TNN: variants seen among roughly 807,000 people sequenced by gnomAD.
TNN encodes the protein tenascin N.
TNN carries 122 observed loss-of-function variants against 134.4 expected under a neutral mutation model. The observed-to-expected ratio is 0.91, with a 90% confidence interval of 0.78 to 1.06. TNN has a LOEUF of 1.06. TNN is among the 50% of genes least tolerant of loss of function. TNN has a pLI of 0.00. For synonymous variants in TNN, 710 were observed against 670.3 expected (o/e 1.06, Z -0.91); for missense variants, 1,739 against 1,699.4 (o/e 1.02, Z -0.41).
chr1:175,097,493 G>A lies in TNN; in HGVS notation c.1665G>A (p.Gln555=). ...CCACCATCTCCTGGGACCCGGTACA[G>A]GCCACCATTGACAAGTACGTGGTGC... is the stretch of plus-strand genomic sequence containing the variant. ...NTATISWDPV[Q]ATIDKYVVRY... is the part of the protein sequence containing the mutation. Residue 555 remains glutamine (Q), a synonymous_variant, in exon 8 of 19, where the codon CAG becomes CAA. Coordinates refer to ENST00000239462, the MANE Select transcript of TNN (RefSeq NM_022093.2). 1.2e-6 allele frequency: 2 copies of A among 1,614,216 alleles called. No homozygotes were observed. The highest frequency in any genetic ancestry group is 1.7e-6 in the Non-Finnish European group (2 of 1,180,050).
intron 1 of TNN, among the ~76,000 whole-genome samples, chr1:175,074,062 G>A (rs10912879): frequency 0.58 from 87,616 of 151,926 alleles, 26,568 homozygotes; most frequent in African/African-American, 0.79. Context: ...GCCTGTTCCA[G>A]CCAAGCTTCC....
intron 9 of TNN, among the ~76,000 whole-genome samples, chr1:175,101,482 C>G (rs964065513): frequency 1.3e-5 from 2 of 149,664 alleles, no homozygotes; most frequent in South Asian, 4.5e-4. Flanking sequence ...GAAGGGGACC[C>G]GAGAAGGTTG....
intron 17 of TNN, among the ~76,000 whole-genome samples, chr1:175,141,743 A>G (rs1675949139): frequency 6.6e-6 from 1 of 152,100 alleles, no homozygotes; most frequent in African/African-American, 2.4e-5. Context: ...GGACATTTTG[A>G]TGAGATGGAT....
At chr1:175,072,564 G>C (rs1673938062) in intron 1 of TNN, among the ~76,000 whole-genome samples, 1 of 152,168 alleles carries the variant, frequency 6.6e-6, no homozygotes, top group Non-Finnish European at 1.5e-5. Flanking sequence ...TACTGAAAGA[G>C]TCGATGAAGT....
chr1:175,117,231 A>G, intron 10 of TNN, 26 bp downstream of exon 10: 2 of 1,606,768 alleles, frequency 1.2e-6, no homozygotes, highest in Non-Finnish European at 1.7e-6. Context: ...CTTTGGGAAT[A>G]TAAGAGCTTT....
rs1018108856 is a variant in TNN at position 175,079,778 on chromosome 1, C to T, written c.784+71C>T. ...ATGCACCATTTAACCCTCAATTACACGTTGTCATCTTTGGGGGTCTCTTCC... is the reference window on the plus strand; with the variant it reads ...ATGCACCATTTAACCCTCAATTACATGTTGTCATCTTTGGGGGTCTCTTCC... On this transcript the variant is annotated intron_variant, in intron 3 of 18. Transcript: ENST00000239462. 4.7e-6 allele frequency: 7 copies of T among 1,490,086 alleles called. No homozygotes were observed. The African/African-American group carries it at 9.8e-5, about 21-fold the overall frequency. The allele number at this position is 1,490,086 out of a possible 1,614,324, so 92.3% of individuals were successfully genotyped here.
chr1:175,147,060 C>A lies in TNN; in HGVS notation c.3889C>A (p.Arg1297=). The A allele has an allele frequency of 2.5e-6, 4 of 1,579,732 alleles. No homozygotes were observed. The highest frequency in any genetic ancestry group is 3.4e-6 in the Non-Finnish European group (4 of 1,162,990). The change falls in exon 19 of 19, where the codon CGA becomes AGA. Residue 1297 remains arginine, a synonymous_variant. Transcript: ENST00000239462. ...RKKRTLRGRL[R]TF The stretch of plus-strand genomic sequence containing the variant: ...GAAGCGGACGCTGAGAGGAAGGCTG[C>A]GAACGTTCTGATGGCCCGTGTGAGC...
chr1:175,142,160 A>G (rs1675956409), intron 17 of TNN, among the ~76,000 whole-genome samples: 2 of 152,194 alleles, frequency 1.3e-5, no homozygotes, highest in South Asian at 4.1e-4. Flanking sequence ...TAGCATGACA[A>G]TATACCTTTC....
At position 175,077,439 on chromosome 1, in the gene TNN, C is replaced by T. The variant is rs916269356; in HGVS notation, c.21C>T (p.Phe7=). The change falls in exon 2 of 19, where the codon TTC becomes TTT. Residue 7 remains phenylalanine, a synonymous_variant. Transcript: ENST00000239462. MSLQEM[F]RFPMGLLLGS... is the part of the protein sequence containing the mutation. Reference sequence around the variant, plus strand: ...CAAGGATGAGTCTCCAGGAGATGTTCCGCTTCCCTATGGGGCTCCTGCTTG... The same window carrying T: ...CAAGGATGAGTCTCCAGGAGATGTTTCGCTTCCCTATGGGGCTCCTGCTTG... 1.9e-6 allele frequency: 3 copies of T among 1,613,238 alleles called. No homozygotes were observed. Among genetic ancestry groups the T allele is most frequent in the African/African-American group, 2.7e-5 (2 of 74,934 alleles).
chr1:175,119,860 A>G (rs1234572183), intron 11 of TNN, among the ~76,000 whole-genome samples: 2 of 151,952 alleles, frequency 1.3e-5, no homozygotes, highest in Non-Finnish European at 2.9e-5. Flanking sequence ...GGATGGTCTC[A>G]ATCTCCTGAC....
Position 175,119,333 on chromosome 1 carries a change from T to A in TNN, c.2650+509T>A, listed in dbSNP as rs1335445315. 3.3e-5 allele frequency among the ~76,000 whole-genome samples: 5 copies of A among 152,218 alleles called. No individual in the cohort carries two copies. In the East Asian group the frequency reaches 9.6e-4, roughly 29 times the overall value. Reference sequence around the variant, plus strand: ...CATTTGTAAACTGTCATGGCACTGGTGGGAGTGTAGTAGTGAGGATGACCA... The same window carrying A: ...CATTTGTAAACTGTCATGGCACTGGAGGGAGTGTAGTAGTGAGGATGACCA... On this transcript the variant is annotated intron_variant, in intron 11 of 18. Transcript: ENST00000239462.
chr1:175,147,147 C>T lies in TNN; in HGVS notation c.*76C>T, dbSNP rs142815211. The T allele has an allele frequency of 1.5e-6, 2 of 1,376,670 alleles. No individual in the cohort carries two copies. The highest frequency in any genetic ancestry group is 1.7e-5 in the South Asian group (1 of 58,304). The allele number at this position is 1,376,670 out of a possible 1,614,324, so 85.3% of individuals were successfully genotyped here. ...GGGGCGGGGTGGGTAGTGGTCACTG[C>T]GGTCTGGGAGTGCTCAGATAGCCCG... On this transcript the variant is annotated 3_prime_UTR_variant, in exon 19 of 19. Coordinates refer to ENST00000239462, the MANE Select transcript of TNN (RefSeq NM_022093.2).
At chr1:175,103,359 T>A (rs1473293652) in intron 9 of TNN, among the ~76,000 whole-genome samples, 1 of 146,276 alleles carries the variant, frequency 6.8e-6, no homozygotes, top group African/African-American at 2.5e-5. Flanking sequence ...TGTCCTCCTT[T>A]TTCAGCAGTG....
chr1:175,079,246 C>A, intron 2 of TNN, 87 bp from the exon 3 acceptor site: 19 of 1,339,082 alleles, frequency 1.4e-5, no homozygotes, highest in East Asian at 1.2e-4. Context: ...CTAATGATTT[C>A]TGGGTCTTGC....
At position 175,128,047 on chromosome 1, in the gene TNN, C is replaced by T. The variant is rs778982609; in HGVS notation, c.3061C>T (p.Arg1021Trp). 121 of 1,614,022 alleles carry T rather than the reference C, an allele frequency of 7.5e-5. No individual in the cohort carries two copies. The highest frequency in any genetic ancestry group is 1.2e-4 in the Admixed American group (7 of 60,008). The change falls in exon 14 of 19, where the codon CGG becomes TGG. Residue 1021 changes from arginine to tryptophan, a missense_variant. Physicochemically the swap from Arg to Trp is moderately radical, Grantham distance 101. Transcript: ENST00000239462. ...TGTTTGGTAGGAGATGCAGCTGGGACGGGAAGACCAGAGGTTTGCGTTGCA... is the reference window on the plus strand; with the variant it reads ...TGTTTGGTAGGAGATGCAGCTGGGATGGGAAGACCAGAGGTTTGCGTTGCA... ...DGTVKEMQLG[R>W]EDQRFALQGL...
chr1:175,076,766 G>A (rs6425316), intron 1 of TNN, among the ~76,000 whole-genome samples: 1 of 151,982 alleles, frequency 6.6e-6, no homozygotes, highest in Admixed American at 6.6e-5. Context: ...TTGTGGGGAT[G>A]AGCATGGACT....
chr1:175,135,945 T>A lies in TNN; in HGVS notation c.3427+4T>A. 1 of 1,605,140 alleles carries A rather than the reference T, an allele frequency of 6.2e-7. No individual in the cohort carries two copies. On this transcript the variant is annotated splice_donor_region_variant and intron_variant, in intron 16 of 18. Transcript: ENST00000239462. ...CCCATGAAGGAGTTCTGGCTTGGTA[T>A]GATCTCAGAATCCAGGAGGCTGGGG...
At chr1:175,112,721 G>A (rs1675065936) in intron 9 of TNN, among the ~76,000 whole-genome samples, 1 of 142,414 alleles carries the variant, frequency 7.0e-6, no homozygotes, top group African/African-American at 2.6e-5. Flanking sequence ...AGGTTCAAGT[G>A]ATTCTCCCAC....
At chr1:175,138,884 A>C (rs762260261) in intron 17 of TNN, among the ~76,000 whole-genome samples, 5 of 152,242 alleles carry the variant, frequency 3.3e-5, no homozygotes, top group Non-Finnish European at 7.3e-5. Flanking sequence ...TATTGCTACT[A>C]GGCTACAAAC....
Sources: allele counts gnomAD v4.1 joint callset (sites outside exome capture counted in the v4.1 genomes callset), GRCh38; gene constraint gnomAD v4.1.1; transcripts MANE v1.5; gene names NCBI Gene and HGNC (gene_info 2026-07-23, HGNC 2026-07-21).